The following STXBP3 variants were observed in gnomAD, a reference collection of about 807,000 sequenced individuals.
The protein encoded by STXBP3 is syntaxin binding protein 3, also known as syntaxin-binding protein 3.
In STXBP3, 41 loss-of-function variants were observed where a neutral mutation model predicts 85.7. The ratio of observed to expected loss-of-function variants is 0.48; its 90% CI spans 0.37 to 0.62. The LOEUF is 0.62. STXBP3 is among the 20% of genes least tolerant of loss of function. STXBP3 has a pLI of 0.00. For synonymous variants in STXBP3, 229 were observed against 231.7 expected (o/e 0.99, Z 0.10); for missense variants, 563 against 703.1 (o/e 0.80, Z 2.25).
intron 5 of STXBP3, among the ~76,000 whole-genome samples, chr1:108,759,490 G>T (rs1345692417): frequency 6.6e-6 from 1 of 152,168 alleles, no homozygotes; most frequent in Admixed American, 6.5e-5. Context: ...GATGAAAGGG[G>T]AAAAACACTG....
intron 11 of STXBP3, among the ~76,000 whole-genome samples, chr1:108,790,495 A>G (rs2990875): frequency 0.71 from 107,061 of 151,846 alleles, 38,732 homozygotes; most frequent in Non-Finnish European, 0.77. Context: ...AAGAGCTTGT[A>G]GTTGAATTTT....
Position 108,772,811 on chromosome 1 carries a change from A to G in STXBP3, c.585A>G (p.Arg195=). The change falls in exon 7 of 19, where the codon AGA becomes AGG. Residue 195 remains arginine (R), a synonymous_variant. Coordinates refer to ENST00000370008, the MANE Select transcript of STXBP3 (RefSeq NM_007269.4). ...CATLDENPGV[R]YKSKPLDNAS... Reference sequence around the variant, plus strand: ...CCTTGGATGAAAATCCCGGAGTAAGATATAAAAGGTAAGACACTGAGCATC... The same window carrying G: ...CCTTGGATGAAAATCCCGGAGTAAGGTATAAAAGGTAAGACACTGAGCATC... The G allele has an allele frequency of 6.3e-7, 1 of 1,593,920 alleles. No individual in the cohort carries two copies. The highest frequency in any genetic ancestry group is 8.6e-7 in the Non-Finnish European group (1 of 1,168,782).
At chr1:108,796,792 GTTT>G (rs35138668) in intron 15 of STXBP3, 66 bp downstream of exon 15, 19 of 898,760 alleles carry the variant, frequency 2.1e-5, no homozygotes, top group South Asian at 8.9e-5. Context: ...TGTATTAACT[GTTT>G]TTTTTTTTTA....
intron 4 of STXBP3, 88 bp from the exon 5 acceptor site, chr1:108,758,422 G>A: frequency 1.5e-6 from 1 of 659,006 alleles, no homozygotes; most frequent in Non-Finnish European, 2.3e-6. Context: ...TTTTGTCACT[G>A]AAATAAAATA....
chr1:108,793,549 G>A (rs908127127), intron 11 of STXBP3, 33 bp from the exon 12 acceptor site: 1 of 1,569,148 alleles, frequency 6.4e-7, no homozygotes, highest in Non-Finnish European at 8.7e-7. Context: ...CTGAATCATA[G>A]GCTTGCCTAA....
At chr1:108,773,908 A>G (rs1662527847) in intron 7 of STXBP3, among the ~76,000 whole-genome samples, 1 of 152,048 alleles carries the variant, frequency 6.6e-6, no homozygotes, top group Non-Finnish European at 1.5e-5. Flanking sequence ...TAGATATGGC[A>G]TGTTAATTCA....
At position 108,757,446 on chromosome 1, in the gene STXBP3, G is replaced by A. The variant is rs148957121; in HGVS notation, c.258+680G>A. Among the ~76,000 whole-genome samples the A allele has an allele frequency of 2.7e-3, 409 of 152,038 alleles. 1 individual carries two copies. Among genetic ancestry groups the A allele is most frequent in the Non-Finnish European group, 5.1e-3 (348 of 67,890 alleles). ...GATACACACTTTTTAGTCTCTACAT[G>A]TTGGCTGCTAGTGGGTTTTAATGAC... On this transcript the variant is annotated intron_variant, in intron 4 of 18. Coordinates refer to ENST00000370008, the MANE Select transcript of STXBP3 (RefSeq NM_007269.4).
At chr1:108,766,781 C>A in intron 6 of STXBP3, 1 of 212,594 alleles carries the variant, frequency 4.7e-6, no homozygotes, top group South Asian at 6.9e-5. Context: ...CTTAAGTTTT[C>A]TTAGCTCAAA....
intron 6 of STXBP3, among the ~76,000 whole-genome samples, chr1:108,769,125 A>G (rs1449689976): frequency 1.3e-5 from 2 of 152,214 alleles, no homozygotes; most frequent in Non-Finnish European, 2.9e-5. Flanking sequence ...ATATTCTAAC[A>G]AAGTAAGCTA....
rs751536256 is a variant in STXBP3, at chr1:108,807,389, ATTAC to A, written c.1536-9_1536-6del. 6 of 1,588,332 alleles carry A rather than the reference ATTAC, an allele frequency of 3.8e-6. No homozygotes were observed. The highest frequency in any genetic ancestry group is 4.3e-6 in the Non-Finnish European group (5 of 1,172,652). ...AACATGTTTACTTTTTTTTTTTTAA[ATTAC>A]TTTTTAGTGCTCGCCAGAAACCCAG... is the stretch of plus-strand genomic sequence containing the variant. On this transcript the variant is annotated splice_polypyrimidine_tract_variant and splice_region_variant and intron_variant, in intron 17 of 18. Coordinates refer to ENST00000370008, the MANE Select transcript of STXBP3 (RefSeq NM_007269.4).
rs1476186497 is a variant in STXBP3 at position 108,772,341 on chromosome 1, AAATACATAT to A, written c.439-323_439-315del. 1.2e-3 allele frequency among the ~76,000 whole-genome samples: 62 copies of A among 51,894 alleles called. 14 individuals are homozygous for A. Among genetic ancestry groups the A allele is most frequent in the Non-Finnish European group, 6.9e-4 (15 of 21,802 alleles). 34.0% of individuals were successfully genotyped at this position (51,894 alleles called of 152,430 possible). ...TACATATGATATCTGTATCATATAT[AAATACATAT>A]GATATCTGTATCATATATAAATACA... On this transcript the variant is annotated intron_variant, in intron 6 of 18. Transcript: ENST00000370008.
rs1662067397 is a variant in STXBP3 at position 108,758,595 on chromosome 1, CTT to C, written c.337+10_337+11del. The C allele has an allele frequency of 6.9e-7, 1 of 1,453,882 alleles. No homozygotes were observed. Among genetic ancestry groups the C allele is most frequent in the African/African-American group, 1.4e-5 (1 of 70,080 alleles). 90.1% of individuals were successfully genotyped at this position (1,453,882 alleles called of 1,614,324 possible). ...TATATTTACTTCACTGACTGTAAGT[CTT>C]TTAAAAAGTTATTGCTTCATTGTTC... On this transcript the variant is annotated splice_region_variant and intron_variant, in intron 5 of 18. Transcript: ENST00000370008.
intron 11 of STXBP3, among the ~76,000 whole-genome samples, chr1:108,786,208 A>G (rs1344400647): frequency 6.6e-6 from 1 of 152,206 alleles, no homozygotes; most frequent in Non-Finnish European, 1.5e-5. Context: ...ACTTATAGTC[A>G]TGGTGAAAGG....
chr1:108,752,995 TA>T (rs1661936724), intron 2 of STXBP3, 67 bp from the exon 3 acceptor site: 5 of 1,260,912 alleles, frequency 4.0e-6, no homozygotes, highest in Non-Finnish European at 5.4e-6. Flanking sequence ...GTTTAATGGA[TA>T]AAATTCTTTT....
intron 11 of STXBP3, among the ~76,000 whole-genome samples, chr1:108,787,738 CTA>C (rs1662889486): frequency 6.6e-6 from 1 of 151,786 alleles, no homozygotes. Flanking sequence ...ATGTTCCTTT[CTA>C]TTCTTAGTTT....
At chr1:108,756,541 A>G (rs1662023267) in intron 3 of STXBP3, 149 bp from the exon 4 acceptor site, 1 of 391,378 alleles carries the variant, frequency 2.6e-6, no homozygotes, top group Non-Finnish European at 4.5e-6. Flanking sequence ...GACAAAGAAA[A>G]TGTTAAACCC....
At chr1:108,758,454 A>T in intron 4 of STXBP3, 56 bp from the exon 5 acceptor site, 1 of 869,502 alleles carries the variant, frequency 1.2e-6, no homozygotes, top group Non-Finnish European at 1.7e-6. Context: ...TTCAAAAGGT[A>T]ACATATTTAA....
chr1:108,775,882 TC>T (rs550884272), intron 7 of STXBP3, among the ~76,000 whole-genome samples: 1 of 151,652 alleles, frequency 6.6e-6, no homozygotes, highest in Non-Finnish European at 1.5e-5. Flanking sequence ...AATGAATAAA[TC>T]CGATATGTGT....
At chr1:108,790,294 T>G (rs926700550) in intron 11 of STXBP3, among the ~76,000 whole-genome samples, 23 of 152,202 alleles carry the variant, frequency 1.5e-4, no homozygotes, top group Admixed American at 3.3e-4. Context: ...ATAGCTATCT[T>G]TCTGTTGAAT....
Sources: allele counts gnomAD v4.1 joint callset (sites outside exome capture counted in the v4.1 genomes callset), GRCh38; gene constraint gnomAD v4.1.1; transcripts MANE v1.5; gene names NCBI Gene and HGNC (gene_info 2026-07-23, HGNC 2026-07-21).